Variants in ALOX12B observed in about 807,000 individuals in gnomAD.
ALOX12B encodes the protein arachidonate 12-lipoxygenase, 12R-type.
ALOX12B carries 47 observed loss-of-function variants against 78.9 expected under a neutral mutation model. The observed-to-expected ratio is 0.60, with a 90% CI of 0.47 to 0.76. The LOEUF is 0.76. Ranked by LOEUF, ALOX12B falls within the 30% of genes least tolerant of loss-of-function variation. ALOX12B has a pLI of 0.00. For synonymous variants in ALOX12B, 370 were observed against 374.5 expected, an observed-to-expected ratio of 0.99 and a Z score of 0.14; for missense variants, 805 against 922.6, an observed-to-expected ratio of 0.87 and a Z score of 1.65.
rs763785171 is a variant in ALOX12B, at chr17:8,087,450, C to G, written c.-8G>C. On this transcript the variant is annotated 5_prime_UTR_variant, in exon 1 of 15. Transcript: ENST00000647874. ...GACTTTGTAGGTGGCCATGGCTGCT[C>G]TTCAGGAGGCAAGAGGGGCACTCAG... The G allele has an allele frequency of 3.7e-6, 6 of 1,614,022 alleles. No individual in the cohort carries two copies. Among genetic ancestry groups the G allele is most frequent in the Non-Finnish European group, 5.1e-6 (6 of 1,180,036 alleles).
Position 8,073,807 on chromosome 17 carries a change from GGCTGCCCGGCAGAGGGC to G in ALOX12B, c.1655-67_1655-51del. The G allele has an allele frequency of 2.0e-6, 3 of 1,475,250 alleles. No homozygotes were observed. The South Asian group carries it at 3.5e-5, about 17-fold the overall frequency. 91.4% of individuals were successfully genotyped at this position (1,475,250 alleles called of 1,614,324 possible). On this transcript the variant is annotated intron_variant, in intron 12 of 14. Transcript: ENST00000647874. ...GCGACATCAGTCGTGCCCTGGTACTGGCTGCCCGGCAGAGGGCGCCACCATGCCCCGCTCTCACCGTT... is the reference window on the plus strand; with the variant it reads ...GCGACATCAGTCGTGCCCTGGTACTGGCCACCATGCCCCGCTCTCACCGTT...
In ALOX12B at chr17:8,087,346, T is replaced by A. The variant is rs760002259; in HGVS notation, c.97A>T (p.Ser33Cys). 6.2e-7 allele frequency: 1 copy of A among 1,614,156 alleles called. No individual in the cohort carries two copies. The highest frequency in any genetic ancestry group is 8.5e-7 in the Non-Finnish European group (1 of 1,180,036). Residue 33 changes from serine (S) to cysteine (C), a missense_variant, in exon 1 of 15, where the codon AGC becomes TGC. Transcript: ENST00000647874. ...AAGTGGTTCAGCAGCTGCTTATGGC[T>A]CTCTCCTTGTGTCCCCACAATGGTC... ...SLTIVGTQGESHKQLLNHFGR... is the reference protein window; with the variant it reads ...SLTIVGTQGECHKQLLNHFGR...
At position 8,076,341 on chromosome 17, in the gene ALOX12B, T is replaced by C. The variant is rs1213124647; in HGVS notation, c.1366A>G (p.Met456Val). 1 of 1,600,390 alleles carries C rather than the reference T, an allele frequency of 6.2e-7. No homozygotes were observed. The change falls in exon 11 of 15, where the codon ATG becomes GTG. Residue 456 changes from methionine (M) to valine (V), a missense_variant. Coordinates refer to ENST00000647874, the MANE Select transcript of ALOX12B (RefSeq NM_001139.3). ...GCAAAGCCTTCCACGCCCAGGGACA[T>C]GCCCTGTGAGGAAGGAGGCAGATCC... ...LNEGGLSAKG[M>V]SLGVEGFAGV...
rs746551488 is a variant in ALOX12B at position 8,080,404 on chromosome 17, CG to C, written c.651-67del. 96 of 1,558,720 alleles carry C rather than the reference CG, an allele frequency of 6.2e-5. No individual in the cohort carries two copies. The highest frequency in any genetic ancestry group is 7.7e-5 in the Non-Finnish European group (87 of 1,130,254). On this transcript the variant is annotated intron_variant, in intron 5 of 14. Transcript: ENST00000647874. The surrounding 1 kb of genome is among the most constrained non-coding windows in gnomAD (Gnocchi z 4.8). Reference sequence around the variant, plus strand: ...GCCAAGCGCCGGCTGGGGCAGGTGGCGGGGCCGCCCCATCCACTTAGGTCTC... The same window carrying C: ...GCCAAGCGCCGGCTGGGGCAGGTGGCGGGCCGCCCCATCCACTTAGGTCTC...
intron 2 of ALOX12B, among the ~76,000 whole-genome samples, chr17:8,081,934 C>T (rs1383533236): frequency 6.6e-6 from 1 of 152,132 alleles, no homozygotes; most frequent in East Asian, 1.9e-4. Context: ...TGAGCCACCA[C>T]ACCTGGCCCA....
chr17:8,075,935 G>A (rs1977070945), intron 11 of ALOX12B, among the ~76,000 whole-genome samples: 2 of 152,188 alleles, frequency 1.3e-5, no homozygotes, highest in Admixed American at 1.3e-4. Context: ...AAGGCCTACA[G>A]GCATCTCAGA....
At chr17:8,081,420 G>A in intron 2 of ALOX12B, 2 of 606,194 alleles carry the variant, frequency 3.3e-6, no homozygotes, top group Non-Finnish European at 6.0e-6. Context: ...CTCTGCTGCT[G>A]CAAAAAGTCC....
intron 2 of ALOX12B, among the ~76,000 whole-genome samples, chr17:8,082,258 A>G (rs2091456374): frequency 6.6e-6 from 1 of 152,148 alleles, no homozygotes; most frequent in Admixed American, 6.6e-5. Flanking sequence ...AATATTAATA[A>G]CTGACAGTTG....
At chr17:8,078,693 G>A (rs1977140591) in intron 8 of ALOX12B, among the ~76,000 whole-genome samples, 1 of 152,098 alleles carries the variant, frequency 6.6e-6, no homozygotes, top group African/African-American at 2.4e-5. Context: ...GGTGAGAGGC[G>A]GGGAACTGCC....
chr17:8,077,064 C>G lies in ALOX12B; in HGVS notation c.1201G>C (p.Glu401Gln), dbSNP rs1427498691. ...AAGGCCTCAGCAATGAGGTGTGTCT[C>G]CAGCAGGTGGGCGATGGCCTCGTGG... Reference protein sequence around the residue: ...YSHEAIAHLLETHLIAEAFCL... With the variant: ...YSHEAIAHLLQTHLIAEAFCL... Residue 401 changes from glutamate (E) to glutamine (Q), a missense_variant, in exon 9 of 15, where the codon GAG (glutamate) becomes CAG (glutamine). Glu to Gln is a conservative substitution (Grantham distance 29). Transcript: ENST00000647874. 1.9e-6 allele frequency: 3 copies of G among 1,613,938 alleles called. No individual in the cohort carries two copies. The highest frequency in any genetic ancestry group is 2.5e-6 in the Non-Finnish European group (3 of 1,180,018).
chr17:8,081,514 G>C, intron 2 of ALOX12B: 1 of 425,724 alleles, frequency 2.3e-6, no homozygotes, highest in Non-Finnish European at 4.6e-6. Flanking sequence ...TAGTGGCCAA[G>C]TTAGGGCTTT....
intron 2 of ALOX12B, among the ~76,000 whole-genome samples, chr17:8,083,751 C>A (rs1480876348): frequency 1.1e-4 from 17 of 150,240 alleles, no homozygotes; most frequent in African/African-American, 3.9e-4. Flanking sequence ...AAAAACAAAA[C>A]AAAAAAAAAC....
chr17:8,080,907 C>T lies in ALOX12B; in HGVS notation c.504G>A (p.Arg168=), dbSNP rs776951535. 5 of 1,613,814 alleles carry T rather than the reference C, an allele frequency of 3.1e-6. No individual in the cohort carries two copies. Among genetic ancestry groups the T allele is most frequent in the African/African-American group, 1.3e-5 (1 of 74,898 alleles). Residue 168 remains arginine (R), a synonymous_variant, in exon 4 of 15, where the codon AGG becomes AGA. Transcript: ENST00000647874. This position sits in a 1 kb window ranked among gnomAD's most constrained non-coding sequence, Gnocchi z 4.8. ...ACTCAGGCCGGTTGGGGTTGCGATG[C>T]CTCCGCACCGGAGGGCGGTAACTGG... is the stretch of plus-strand genomic sequence containing the variant. ...HIPSYRPPVR[R]HRNPNRPEWN...
chr17:8,079,919 T>G lies in ALOX12B; in HGVS notation c.777A>C (p.Ala259=), dbSNP rs746050773. The G allele has an allele frequency of 6.2e-7, 1 of 1,612,816 alleles. No individual in the cohort carries two copies. Among genetic ancestry groups the G allele is most frequent in the Non-Finnish European group, 8.5e-7 (1 of 1,179,646 alleles). ...ACTGGTACCCAAAGAAGGTGTCCTC[T>G]GCCCAGTGCTCGGCCACGTACTCTG... is the stretch of plus-strand genomic sequence containing the variant. The part of the protein sequence containing the change: ...VVSEYVAEHW[A]EDTFFGYQYL... The change falls in exon 7 of 15, where the codon GCA becomes GCC. Residue 259 remains alanine, a synonymous_variant. Transcript: ENST00000647874. The surrounding 1 kb of genome is among the most constrained non-coding windows in gnomAD (Gnocchi z 6.4).
At chr17:8,075,748 C>G in intron 11 of ALOX12B, 32 bp from the exon 12 acceptor site, 3 of 1,614,102 alleles carry the variant, frequency 1.9e-6, no homozygotes, top group Non-Finnish European at 2.5e-6. Flanking sequence ...AGTTTGGATC[C>G]TCCTCCCCTC....
At position 8,086,205 on chromosome 17, in the gene ALOX12B, C is replaced by A; in HGVS notation, c.163G>T (p.Val55Leu). 6.2e-7 allele frequency: 1 copy of A among 1,614,060 alleles called. No individual in the cohort carries two copies. The highest frequency in any genetic ancestry group is 8.5e-7 in the Non-Finnish European group (1 of 1,179,988). ...TCACCCAGGTCCTGAGGGCACTGCA[C>A]GGTGTACTGGCCCACCTAGGCAGGA... ...FATGAVGQYTVQCPQDLGELI... is the reference protein window; with the variant it reads ...FATGAVGQYTLQCPQDLGELI... The change falls in exon 2 of 15, where the codon GTG becomes TTG. Residue 55 changes from valine (V) to leucine (L), a missense_variant. Val to Leu is a conservative substitution (Grantham distance 32). Transcript: ENST00000647874.
chr17:8,085,168 T>A (rs562351191), intron 2 of ALOX12B, among the ~76,000 whole-genome samples: 1 of 152,166 alleles, frequency 6.6e-6, no homozygotes, highest in Admixed American at 6.5e-5. Context: ...TTTGGAGCAA[T>A]AGAACATCCC....
chr17:8,086,933 G>A (rs1803905800), intron 1 of ALOX12B, among the ~76,000 whole-genome samples: 1 of 152,118 alleles, frequency 6.6e-6, no homozygotes, highest in African/African-American at 2.4e-5. Flanking sequence ...GCAGAGACAG[G>A]GAGAGAGGGC....
chr17:8,075,806 T>A (rs980424440), intron 11 of ALOX12B, 90 bp from the exon 12 acceptor site: 2 of 1,607,244 alleles, frequency 1.2e-6, no homozygotes, highest in Non-Finnish European at 1.7e-6. Flanking sequence ...TGCCCTGACC[T>A]CAGTTGGCCC....
Sources: gnomAD v4.1 joint callset for allele counts (sites outside exome capture counted in the v4.1 genomes callset) on GRCh38, gnomAD v4.1.1 for gene constraint, Gnocchi (gnomAD v3.1) non-coding constraint, MANE v1.5 for transcripts, NCBI Gene and HGNC (gene_info 2026-07-23, HGNC 2026-07-21) for gene names.